C1QL2: variants seen among roughly 807,000 people sequenced by gnomAD.
C1QL2 encodes the protein complement C1q-like protein 2.
A neutral mutation model predicts 16.6 loss-of-function variants in C1QL2; 13 were observed. The observed-to-expected ratio is 0.78, with a 90% confidence interval of 0.51 to 1.25. The LOEUF (loss-of-function observed/expected upper bound fraction) is 1.25. Ranked by LOEUF, C1QL2 falls within the 50% of genes most tolerant of loss-of-function variation. The pLI is 0.00. For synonymous variants in C1QL2, 210 were observed against 183.2 expected (o/e 1.15, Z -1.18); for missense variants, 396 against 409.6 (o/e 0.97, Z 0.29).
intron 1 of C1QL2, 50 bp from the exon 2 acceptor site, chr2:119,157,031 C>T: frequency 1.3e-6 from 2 of 1,598,038 alleles, no homozygotes; most frequent in Non-Finnish European, 1.7e-6. Context: ...CTTCCCGCGC[C>T]TTTGCTCAGC....
intron 1 of C1QL2, among the ~76,000 whole-genome samples, 164 bp downstream of exon 1, chr2:119,157,422 C>A (rs1366670414): frequency 6.6e-6 from 1 of 152,090 alleles, no homozygotes; most frequent in Non-Finnish European, 1.5e-5. Flanking sequence ...CCGGTGAGCG[C>A]GGCCTCGGCG....
chr2:119,156,758 G>C lies in C1QL2; in HGVS notation c.*44C>G. The C allele has an allele frequency of 6.3e-7, 1 of 1,591,222 alleles. No homozygotes were observed. The highest frequency in any genetic ancestry group is 8.6e-7 in the Non-Finnish European group (1 of 1,169,574). On this transcript the variant is annotated 3_prime_UTR_variant, in exon 2 of 2. Transcript: ENST00000272520. ...TGCCAAGGAGCCGCGCCCGGGCGGA[G>C]ACCGGGCGGCCTGCAGCCACCCCGC...
In C1QL2 at chr2:119,156,707, AAGTGTTATGAATCG is replaced by A. The variant is rs1270040388; in HGVS notation, c.*81_*94del. On this transcript the variant is annotated 3_prime_UTR_variant, in exon 2 of 2. Transcript: ENST00000272520. ...TGTCTTTTCCAAAGGAGATGTCAGG[AAGTGTTATGAATCG>A]AGAGTGGCCTTTGCCAAGGAGCCGC... 1 of 1,354,452 alleles carries A rather than the reference AAGTGTTATGAATCG, an allele frequency of 7.4e-7. No homozygotes were observed. Among genetic ancestry groups the A allele is most frequent in the African/African-American group, 1.5e-5 (1 of 68,098 alleles). 83.9% of individuals were successfully genotyped at this position (1,354,452 alleles called of 1,614,324 possible). A position where few individuals can be genotyped will look rare whatever the true frequency, so the allele number is the denominator to read the frequency against.
chr2:119,157,405 C>G (rs1293504893), intron 1 of C1QL2, among the ~76,000 whole-genome samples, 181 bp downstream of exon 1: 4 of 152,214 alleles, frequency 2.6e-5, no homozygotes, highest in Non-Finnish European at 5.9e-5. Flanking sequence ...ACATTTGGCT[C>G]TACGTCCCGG....
At position 119,158,442 on chromosome 2, in the gene C1QL2, G is replaced by T; in HGVS notation, c.-173C>A. 1 of 404,850 alleles carries T rather than the reference G, an allele frequency of 2.5e-6. No individual in the cohort carries two copies. Among genetic ancestry groups the T allele is most frequent in the Middle Eastern group, 7.3e-4 (1 of 1,374 alleles). The allele number at this position is 404,850 out of a possible 1,614,324, so 25.1% of individuals were successfully genotyped here. A position where few individuals can be genotyped will look rare whatever the true frequency, so the allele number is the denominator to read the frequency against. ...CTCCGCGGGTCCTGGCCGCGCCCCC[G>T]ACGTGGCGACCCCCAGCCCCGGCTA... On this transcript the variant is annotated 5_prime_UTR_variant, in exon 1 of 2. Transcript: ENST00000272520.
Position 119,157,882 on chromosome 2 carries a change from C to G in C1QL2, c.388G>C (p.Gly130Arg), listed in dbSNP as rs1327516953. 4 of 1,576,628 alleles carry G rather than the reference C, an allele frequency of 2.5e-6. No homozygotes were observed. In the South Asian group the frequency reaches 3.5e-5, roughly 14 times the overall value. The change falls in exon 1 of 2, where the codon GGG becomes CGG. Residue 130 changes from glycine to arginine, a missense_variant. Coordinates refer to ENST00000272520, the MANE Select transcript of C1QL2 (RefSeq NM_182528.4). ...QLTAGTASGV[G>R]VVGGGAGVGG... is the part of the protein sequence containing the mutation. ...ACCCCGGCCCCGCCGCCCACCACCCCGACGCCGCTGGCCGTGCCCGCCGTC... is the reference window on the plus strand; with the variant it reads ...ACCCCGGCCCCGCCGCCCACCACCCGGACGCCGCTGGCCGTGCCCGCCGTC...
chr2:119,156,517 C>CT lies in C1QL2; in HGVS notation c.*284dup, dbSNP rs975369117. 6 of 294,328 alleles carry CT rather than the reference C, an allele frequency of 2.0e-5. No individual in the cohort carries two copies. Among genetic ancestry groups the CT allele is most frequent in the African/African-American group, 1.3e-4 (6 of 46,204 alleles). The allele number at this position is 294,328 out of a possible 1,614,324, so 18.2% of individuals were successfully genotyped here. On this transcript the variant is annotated 3_prime_UTR_variant, in exon 2 of 2. Transcript: ENST00000272520. ...GAGGAGGGCAGGCTCCCGGCCCTGC[C>CT]TGTCCAGTCTAATCAGGTTTGCAAA...
chr2:119,158,048 G>A lies in C1QL2; in HGVS notation c.222C>T (p.Ile74=), dbSNP rs895095336. The part of the protein sequence containing the change: ...DLSANPPPPF[I]QGPKGDPGRP... ...GCCCCGGGTCGCCCTTGGGTCCCTG[G>A]ATGAAAGGAGGAGGAGGGTTGGCGC... Residue 74 remains isoleucine (I), a synonymous_variant, in exon 1 of 2, where the codon ATC becomes ATT. Coordinates refer to ENST00000272520, the MANE Select transcript of C1QL2 (RefSeq NM_182528.4). The A allele has an allele frequency of 9.1e-6, 14 of 1,530,938 alleles. No homozygotes were observed. The highest frequency in any genetic ancestry group is 1.2e-5 in the Non-Finnish European group (14 of 1,139,078). The allele number at this position is 1,530,938 out of a possible 1,614,324, so 94.8% of individuals were successfully genotyped here.
Position 119,158,014 on chromosome 2 carries a change from T to C in C1QL2, c.256A>G (p.Lys86Glu). Residue 86 changes from lysine (K) to glutamate (E), a missense_variant, in exon 1 of 2, where the codon AAG becomes GAG. By Grantham distance (56) the Lys-to-Glu change is moderately conservative (BLOSUM62 1). Coordinates refer to ENST00000272520, the MANE Select transcript of C1QL2 (RefSeq NM_182528.4). ...CCAGGGGGCCCCCGCGGCCCTGGCT[T>C]GCCCGGTCGCCCCGGGTCGCCCTTG... ...GPKGDPGRPG[K>E]PGPRGPPGEP... The C allele has an allele frequency of 2.0e-6, 3 of 1,526,768 alleles. No individual in the cohort carries two copies. The highest frequency in any genetic ancestry group is 2.6e-6 in the Non-Finnish European group (3 of 1,137,744). 94.6% of individuals were successfully genotyped at this position (1,526,768 alleles called of 1,614,324 possible). A position where few individuals can be genotyped will look rare whatever the true frequency, so the allele number is the denominator to read the frequency against.
At position 119,158,264 on chromosome 2, in the gene C1QL2, C is replaced by T. The variant is rs745852288; in HGVS notation, c.6G>A (p.Ala2=). The change falls in exon 1 of 2, where the codon GCG becomes GCA. Residue 2 remains alanine, a synonymous_variant. Transcript: ENST00000272520. ...GCGGCACGGCGATGAGCAGCCCGAGCGCCATGGCCAAGAGTACGCCGACGG... is the reference window on the plus strand; with the variant it reads ...GCGGCACGGCGATGAGCAGCCCGAGTGCCATGGCCAAGAGTACGCCGACGG... M[A]LGLLIAVPLL... is the part of the protein sequence containing the mutation. The T allele has an allele frequency of 3.5e-5, 54 of 1,532,340 alleles. No individual in the cohort carries two copies. The highest frequency in any genetic ancestry group is 7.9e-5 in the East Asian group (3 of 37,958). 94.9% of individuals were successfully genotyped at this position (1,532,340 alleles called of 1,614,324 possible). A position where few individuals can be genotyped will look rare whatever the true frequency, so the allele number is the denominator to read the frequency against.
chr2:119,156,855 C>T lies in C1QL2; in HGVS notation c.811G>A (p.Gly271Ser). 2 of 1,614,054 alleles carry T rather than the reference C, an allele frequency of 1.2e-6. No homozygotes were observed. Among genetic ancestry groups the T allele is most frequent in the African/African-American group, 2.7e-5 (2 of 75,050 alleles). Residue 271 changes from glycine to serine, a missense_variant, in exon 2 of 2, where the codon GGC (glycine) becomes AGC (serine). Gly to Ser is a moderately conservative substitution (Grantham distance 56). Around this residue, in one of 2 missense-constraint regions of C1QL2, gnomAD observed 43 missense variants for 74.8 expected, o/e 0.57. Coordinates refer to ENST00000272520, the MANE Select transcript of C1QL2 (RefSeq NM_182528.4). ...AACGTGCTGTACTTGTTATTATTGC[C>T]TCCGTGAGCCTTCCCGCCATCCAGC... ...VKLDGGKAHG[G>S]NNNKYSTFSG... is the part of the protein sequence containing the mutation.
In C1QL2 at chr2:119,157,955, C is replaced by G. The variant is rs937119741; in HGVS notation, c.315G>C (p.Pro105=). 2 of 1,535,334 alleles carry G rather than the reference C, an allele frequency of 1.3e-6. No homozygotes were observed. Among genetic ancestry groups the G allele is most frequent in the African/African-American group, 1.4e-5 (1 of 72,348 alleles). Residue 105 remains proline, a synonymous_variant, in exon 1 of 2, where the codon CCG becomes CCC. Coordinates refer to ENST00000272520, the MANE Select transcript of C1QL2 (RefSeq NM_182528.4). ...EPGPPGPRGP[P]GEKGDSGRPG... The stretch of plus-strand genomic sequence containing the variant: ...GCCGCCCCGAGTCGCCCTTCTCTCC[C>G]GGAGGGCCCCTGGGTCCAGGCGGGC...
rs1287763778 is a variant in C1QL2, at chr2:119,158,217, C to A, written c.53G>T (p.Arg18Leu). The change falls in exon 1 of 2, where the codon CGA becomes CTA. Residue 18 changes from arginine to leucine, a missense_variant. Coordinates refer to ENST00000272520, the MANE Select transcript of C1QL2 (RefSeq NM_182528.4). ...AVPLLLQAAPRGAAHYEMMGT... is the reference protein window; with the variant it reads ...AVPLLLQAAPLGAAHYEMMGT... ...CATCATCTCATAGTGCGCGGCGCCT[C>A]GGGGCGCCGCCTGCAGCAGCAGCGG... The A allele has an allele frequency of 6.4e-7, 1 of 1,571,926 alleles. No individual in the cohort carries two copies.
In C1QL2 at chr2:119,157,792, C is replaced by A; in HGVS notation, c.478G>T (p.Ala160Ser). The change falls in exon 1 of 2, where the codon GCC becomes TCC. Residue 160 changes from alanine (A) to serine (S), a missense_variant. Ala to Ser is a moderately conservative substitution (Grantham distance 99). Coordinates refer to ENST00000272520, the MANE Select transcript of C1QL2 (RefSeq NM_182528.4). ...GGGCTCTTGAGACCCACATAGAAGG[C>A]GATCTTGGGGCCGCTGAAGGTGGCG... ...LSATFSGPKI[A>S]FYVGLKSPHE... 2 of 1,607,170 alleles carry A rather than the reference C, an allele frequency of 1.2e-6. No individual in the cohort carries two copies. Among genetic ancestry groups the A allele is most frequent in the Non-Finnish European group, 1.7e-6 (2 of 1,176,598 alleles).
rs1678005215 is a variant in C1QL2 at position 119,158,485 on chromosome 2, G to C, written c.-216C>G. ...CCCGGCTACCCAACTACTTCAGCGA[G>C]AGGCGCCGGGACCTCTGAGCCTGGG... On this transcript the variant is annotated 5_prime_UTR_variant, in exon 1 of 2. Transcript: ENST00000272520. 3.3e-6 allele frequency: 1 copy of C among 307,542 alleles called. No individual in the cohort carries two copies. The highest frequency in any genetic ancestry group is 1.6e-4 in the South Asian group (1 of 6,428). The allele number at this position is 307,542 out of a possible 1,614,324, so 19.1% of individuals were successfully genotyped here. A position where few individuals can be genotyped will look rare whatever the true frequency, so the allele number is the denominator to read the frequency against.
chr2:119,156,672 C>A lies in C1QL2; in HGVS notation c.*130G>T. 1 of 1,097,958 alleles carries A rather than the reference C, an allele frequency of 9.1e-7. No individual in the cohort carries two copies. The highest frequency in any genetic ancestry group is 2.6e-5 in the East Asian group (1 of 38,506). The allele number at this position is 1,097,958 out of a possible 1,614,324, so 68.0% of individuals were successfully genotyped here. A position where few individuals can be genotyped will look rare whatever the true frequency, so the allele number is the denominator to read the frequency against. On this transcript the variant is annotated 3_prime_UTR_variant, in exon 2 of 2. Coordinates refer to ENST00000272520, the MANE Select transcript of C1QL2 (RefSeq NM_182528.4). ...GAGGCCAGGAGCGGGGCAGGGAGGA[C>A]GCAGGGATTTGTCTTTTCCAAAGGA... is the stretch of plus-strand genomic sequence containing the variant.
rs1374228597 is a variant in C1QL2, at chr2:119,158,477, T to C, written c.-208A>G. 1.3e-5 allele frequency: 4 copies of C among 316,206 alleles called. No individual in the cohort carries two copies. Among genetic ancestry groups the C allele is most frequent in the Non-Finnish European group, 2.2e-5 (4 of 178,090 alleles). The allele number at this position is 316,206 out of a possible 1,614,324, so 19.6% of individuals were successfully genotyped here. On this transcript the variant is annotated 5_prime_UTR_variant, in exon 1 of 2. Transcript: ENST00000272520. ...CCCCCAGCCCCGGCTACCCAACTACTTCAGCGAGAGGCGCCGGGACCTCTG... is the reference window on the plus strand; with the variant it reads ...CCCCCAGCCCCGGCTACCCAACTACCTCAGCGAGAGGCGCCGGGACCTCTG...
rs1433013416 is a variant in C1QL2, at chr2:119,158,411, G to C, written c.-142C>G. ...GGCGGCCCCGCTCCCCGCGCTCGGG[G>C]ACCGGCTCCGCGGGTCCTGGCCGCG... is the stretch of plus-strand genomic sequence containing the variant. On this transcript the variant is annotated 5_prime_UTR_variant, in exon 1 of 2. Transcript: ENST00000272520. 3.1e-6 allele frequency: 2 copies of C among 642,698 alleles called. No individual in the cohort carries two copies. The highest frequency in any genetic ancestry group is 4.3e-6 in the Non-Finnish European group (2 of 461,598). 39.8% of individuals were successfully genotyped at this position (642,698 alleles called of 1,614,324 possible).
chr2:119,157,714 T>C lies in C1QL2; in HGVS notation c.556A>G (p.Asn186Asp). Reference sequence around the variant, plus strand: ...TTGCCCGTGGTGGGGTCATAGTGATTGCCGAGGTTGGTGACCACGTCATCG... The same window carrying C: ...TTGCCCGTGGTGGGGTCATAGTGATCGCCGAGGTTGGTGACCACGTCATCG... The part of the protein sequence containing the change: ...KFDDVVTNLG[N>D]HYDPTTGKFS... The change falls in exon 1 of 2, where the codon AAT (asparagine) becomes GAT (aspartate). Residue 186 changes from asparagine to aspartate, a missense_variant. Physicochemically the swap from Asn to Asp is conservative, Grantham distance 23. Around this residue, in one of 2 missense-constraint regions of C1QL2, gnomAD observed 353 missense variants for 334.8 expected, o/e 1.05. Coordinates refer to ENST00000272520, the MANE Select transcript of C1QL2 (RefSeq NM_182528.4). 1 of 1,614,166 alleles carries C rather than the reference T, an allele frequency of 6.2e-7. No individual in the cohort carries two copies. The highest frequency in any genetic ancestry group is 8.5e-7 in the Non-Finnish European group (1 of 1,180,010).
Sources: gnomAD v4.1 joint callset for allele counts (sites outside exome capture counted in the v4.1 genomes callset) on GRCh38, gnomAD v4.1.1 for gene constraint, gnomAD v4.1.1 regional missense constraint, MANE v1.5 for transcripts, NCBI Gene and HGNC (gene_info 2026-07-23, HGNC 2026-07-21) for gene names.